The following GCM2 variants were observed in gnomAD, a reference collection of about 807,000 sequenced individuals.
The protein encoded by GCM2 is GCM transcription factor 2.
A neutral mutation model predicts 24.8 loss-of-function variants in GCM2; 21 were observed. The ratio of observed to expected loss-of-function variants is 0.85; its 90% confidence interval spans 0.60 to 1.22. GCM2 has a LOEUF of 1.22. Among genes scored for constraint, GCM2 ranks in the 50% most tolerant of loss-of-function variants. The pLI is 0.00. For synonymous variants in GCM2, 222 were observed against 238.0 expected, an observed-to-expected ratio of 0.93 and a Z score of 0.62; for missense variants, 532 against 645.6, an observed-to-expected ratio of 0.82 and a Z score of 1.91.
chr6:10,876,962 C>G (rs1330475290), intron 2 of GCM2, among the ~76,000 whole-genome samples, 178 bp downstream of exon 2: 1 of 152,230 alleles, frequency 6.6e-6, no homozygotes. Flanking sequence ...ACTTGGGAGG[C>G]TGAGGCAGGA....
chr6:10,875,909 C>G lies in GCM2; in HGVS notation c.564G>C (p.Lys188Asn). The G allele has an allele frequency of 1.9e-6, 3 of 1,614,090 alleles. No homozygotes were observed. Among genetic ancestry groups the G allele is most frequent in the Non-Finnish European group, 2.5e-6 (3 of 1,179,988 alleles). The change falls in exon 4 of 5, where the codon AAG becomes AAC. Residue 188 changes from lysine to asparagine, a missense_variant. Coordinates refer to ENST00000379491, the MANE Select transcript of GCM2 (RefSeq NM_004752.4). ...QMASFYQPQK[K>N]RIRESEAEEN... is the part of the protein sequence containing the mutation. Reference sequence around the variant, plus strand: ...CTGTTACCTCGGATTCTCGAATTCTCTTTTTCTGGGGTTGGTAGAAAGAGG... The same window carrying G: ...CTGTTACCTCGGATTCTCGAATTCTGTTTTTCTGGGGTTGGTAGAAAGAGG...
intron 1 of GCM2, among the ~76,000 whole-genome samples, chr6:10,880,739 G>T (rs1779946561): frequency 6.6e-6 from 1 of 152,162 alleles, no homozygotes; most frequent in Admixed American, 6.5e-5. Flanking sequence ...AAAGAATGAT[G>T]ATTTGCTTGT....
In GCM2 at chr6:10,881,556, GTGTGTGTGTGTGTGTGT is replaced by G; in HGVS notation, c.90+131_90+147del. On this transcript the variant is annotated intron_variant, in intron 1 of 4. Transcript: ENST00000379491. ...AGAAACCCAGAAATTTTGCGGGTAT[GTGTGTGTGTGTGTGTGT>G]GTGTGTGTGTGTGTGTGTGTGTGTG... is the stretch of plus-strand genomic sequence containing the variant. 12 of 6,596 alleles carry G rather than the reference GTGTGTGTGTGTGTGTGT, an allele frequency of 1.8e-3. 1 individual carries two copies. The highest frequency in any genetic ancestry group is 5.6e-3 in the Non-Finnish European group (11 of 1,974). The allele number at this position is 6,596 out of a possible 1,614,324, so 0.4% of individuals were successfully genotyped here.
Position 10,881,741 on chromosome 6 carries a change from T to C in GCM2, c.53A>G (p.Gln18Arg), listed in dbSNP as rs1351902128. ...EAVGVCSYGM[Q>R]LSWDINDPQM... ...CGGATCGTTGATGTCCCAGCTGAGCTGCATCCCGTAGGAGCACACGCCGAC... is the reference window on the plus strand; with the variant it reads ...CGGATCGTTGATGTCCCAGCTGAGCCGCATCCCGTAGGAGCACACGCCGAC... Residue 18 changes from glutamine to arginine, a missense_variant, in exon 1 of 5, where the codon CAG becomes CGG. Physicochemically the swap from Gln to Arg is conservative, Grantham distance 43 (BLOSUM62 1). This residue lies in a region of GCM2 where 96 missense variants were observed against 103.5 expected (regional missense o/e 0.93). Coordinates refer to ENST00000379491, the MANE Select transcript of GCM2 (RefSeq NM_004752.4). 6.2e-7 allele frequency: 1 copy of C among 1,611,638 alleles called. No individual in the cohort carries two copies. Among genetic ancestry groups the C allele is most frequent in the Admixed American group, 1.7e-5 (1 of 60,010 alleles).
intron 4 of GCM2, among the ~76,000 whole-genome samples, chr6:10,875,229 C>T (rs2113245629): frequency 6.6e-6 from 1 of 152,286 alleles, no homozygotes; most frequent in Admixed American, 6.5e-5. Context: ...ATAGTGGAGA[C>T]TTAGGAGCCA....
chr6:10,881,501 C>G (rs1450354723), intron 1 of GCM2, among the ~76,000 whole-genome samples: 1 of 151,012 alleles, frequency 6.6e-6, no homozygotes, highest in Non-Finnish European at 1.5e-5. Flanking sequence ...TTGTAGAGTC[C>G]AGTTTTCTTT....
Position 10,873,741 on chromosome 6 carries a change from GTTCAT to G in GCM2, c.*249_*253del. Reference sequence around the variant, plus strand: ...TTAACCTCCTACAGTTTGCTTATTTGTTCATTTGAGAGACTCACACTTTCCTCACT... The same window carrying G: ...TTAACCTCCTACAGTTTGCTTATTTGTTGAGAGACTCACACTTTCCTCACT... On this transcript the variant is annotated 3_prime_UTR_variant, in exon 5 of 5. Coordinates refer to ENST00000379491, the MANE Select transcript of GCM2 (RefSeq NM_004752.4). 1 of 525,928 alleles carries G rather than the reference GTTCAT, an allele frequency of 1.9e-6. No homozygotes were observed. The highest frequency in any genetic ancestry group is 3.4e-6 in the Non-Finnish European group (1 of 290,524). 32.6% of individuals were successfully genotyped at this position (525,928 alleles called of 1,614,324 possible). A position where few individuals can be genotyped will look rare whatever the true frequency, so the allele number is the denominator to read the frequency against.
At chr6:10,876,583 T>G in intron 2 of GCM2, 26 bp from the exon 3 acceptor site, 1 of 1,432,866 alleles carries the variant, frequency 7.0e-7, no homozygotes, top group Non-Finnish European at 9.9e-7. Context: ...GGGAGAAATA[T>G]TAACCCTGAC....
intron 2 of GCM2, 43 bp from the exon 3 acceptor site, chr6:10,876,600 C>T (rs761951360): frequency 2.3e-5 from 30 of 1,317,298 alleles, no homozygotes; most frequent in Non-Finnish European, 3.2e-5. Context: ...TGACCCCAGA[C>T]CCTTCTGAAG....
intron 4 of GCM2, 62 bp downstream of exon 4, chr6:10,875,829 G>C (rs1779869967): frequency 2.0e-6 from 3 of 1,537,466 alleles, no homozygotes; most frequent in East Asian, 4.5e-5. Context: ...TTTGCATAAC[G>C]ATCAGCGTAT....
Position 10,876,510 on chromosome 6 carries a change from G to A in GCM2, c.391C>T (p.Arg131Ter), listed in dbSNP as rs767846876. The A allele has an allele frequency of 3.1e-6, 5 of 1,613,840 alleles. No homozygotes were observed. The highest frequency in any genetic ancestry group is 1.6e-4 in the Middle Eastern group (1 of 6,084). ...CHSALELIPCRGHSGYPVTNF... is the reference protein window; with the variant it reads ...CHSALELIPC The stretch of plus-strand genomic sequence containing the variant: ...GTTACGGGGTATCCGCTGTGCCCTC[G>A]ACAAGGAATCAACTCCAAAGCAGAA... Residue 131 changes from arginine to a stop codon, truncating the protein, a stop_gained, in exon 3 of 5, where the codon CGA becomes TGA. Coordinates refer to ENST00000379491, the MANE Select transcript of GCM2 (RefSeq NM_004752.4). LOFTEE classifies it high-confidence loss of function.
At position 10,874,310 on chromosome 6, in the gene GCM2, A is replaced by G. The variant is rs2113243030; in HGVS notation, c.1206T>C (p.Ser402=). ...QAYQPPAMKY[S]DSVREVKSLS... ...GGCTCTTCACCTCTCGCACACTGTC[A>G]CTGTATTTCATAGCAGGGGGCTGGT... The change falls in exon 5 of 5, where the codon AGT becomes AGC. Residue 402 remains serine (S), a synonymous_variant. Transcript: ENST00000379491. 1 of 1,614,234 alleles carries G rather than the reference A, an allele frequency of 6.2e-7. No individual in the cohort carries two copies. The highest frequency in any genetic ancestry group is 8.5e-7 in the Non-Finnish European group (1 of 1,180,044).
Position 10,881,711 on chromosome 6 carries a change from A to G in GCM2, c.83T>C (p.Met28Thr). Residue 28 changes from methionine to threonine, a missense_variant, in exon 1 of 5, where the codon ATG becomes ACG. Around this residue, in one of 3 missense-constraint regions of GCM2, gnomAD observed 96 missense variants for 103.5 expected, o/e 0.93. Coordinates refer to ENST00000379491, the MANE Select transcript of GCM2 (RefSeq NM_004752.4). ...QLSWDINDPQ[M>T]PQELALFDQF... ...CACACCCGGTTCACTTACCTGAGGC[A>G]TCTGCGGATCGTTGATGTCCCAGCT... The G allele has an allele frequency of 6.2e-7, 1 of 1,611,108 alleles. No individual in the cohort carries two copies. The highest frequency in any genetic ancestry group is 8.5e-7 in the Non-Finnish European group (1 of 1,179,132).
At position 10,877,389 on chromosome 6, in the gene GCM2, G is replaced by A; in HGVS notation, c.94C>T (p.Leu32=). ...DINDPQMPQE[L]ALFDQFREWP... ...TCTCGGAATTGGTCAAAGAGGGCCA[G>A]CTCCTGGAAGAGTGCAGAAGGAAGG... The change falls in exon 2 of 5, where the codon CTG becomes TTG. Residue 32 remains leucine, a synonymous_variant. Coordinates refer to ENST00000379491, the MANE Select transcript of GCM2 (RefSeq NM_004752.4). 6.2e-7 allele frequency: 1 copy of A among 1,614,178 alleles called. No individual in the cohort carries two copies. Among genetic ancestry groups the A allele is most frequent in the Middle Eastern group, 1.6e-4 (1 of 6,062 alleles).
At chr6:10,878,054 G>C (rs1388116685) in intron 1 of GCM2, among the ~76,000 whole-genome samples, 1 of 152,134 alleles carries the variant, frequency 6.6e-6, no homozygotes, top group African/African-American at 2.4e-5. Context: ...GTTTAAAAGG[G>C]TACTGCAATG....
chr6:10,877,070 C>A, intron 2 of GCM2, 70 bp downstream of exon 2: 2 of 1,582,782 alleles, frequency 1.3e-6, no homozygotes, highest in South Asian at 2.2e-5. Flanking sequence ...CTCAAACAAA[C>A]AAACAAAAAC....
rs928029949 is a variant in GCM2, at chr6:10,873,570, T to G, written c.*425A>C. On this transcript the variant is annotated 3_prime_UTR_variant, in exon 5 of 5. Coordinates refer to ENST00000379491, the MANE Select transcript of GCM2 (RefSeq NM_004752.4). Reference sequence around the variant, plus strand: ...CATGAAATGACTCAGGTGATAAGATTGTAAAAATTTCTTCCTGAAGCTATT... The same window carrying G: ...CATGAAATGACTCAGGTGATAAGATGGTAAAAATTTCTTCCTGAAGCTATT... 1 of 203,664 alleles carries G rather than the reference T, an allele frequency of 4.9e-6. No homozygotes were observed. The highest frequency in any genetic ancestry group is 2.3e-5 in the African/African-American group (1 of 42,750). The allele number at this position is 203,664 out of a possible 1,614,324, so 12.6% of individuals were successfully genotyped here.
chr6:10,875,141 A>AT (rs1310331732), intron 4 of GCM2, among the ~76,000 whole-genome samples: 4 of 152,164 alleles, frequency 2.6e-5, no homozygotes, highest in Non-Finnish European at 4.4e-5. Flanking sequence ...CAACGACTGA[A>AT]TGACAAAGGT....
At chr6:10,880,955 C>A (rs1446577975) in intron 1 of GCM2, among the ~76,000 whole-genome samples, 1 of 152,148 alleles carries the variant, frequency 6.6e-6, no homozygotes, top group African/African-American at 2.4e-5. Context: ...TAGATTTTCT[C>A]CTTAGCTTCC....
Sources: gnomAD v4.1 joint callset for allele counts (sites outside exome capture counted in the v4.1 genomes callset) on GRCh38, gnomAD v4.1.1 for gene constraint, gnomAD v4.1.1 regional missense constraint, MANE v1.5 for transcripts, NCBI Gene and HGNC (gene_info 2026-07-23, HGNC 2026-07-21) for gene names.